The following CDH7 variants were observed in gnomAD, a reference collection of about 807,000 sequenced individuals.
CDH7 encodes the protein cadherin-7.
In CDH7, 25 loss-of-function variants were observed where a neutral mutation model predicts 71.8. The observed-to-expected ratio is 0.35, with a 90% confidence interval of 0.25 to 0.49. CDH7 has a LOEUF of 0.49. Ranked by LOEUF, CDH7 falls within the 20% of genes least tolerant of loss-of-function variation. The pLI, the probability that CDH7 is intolerant of heterozygous loss-of-function variation, is 0.99. For missense variants in CDH7, 862 were observed against 974.6 expected (o/e 0.88, Z 1.54); for synonymous variants, 381 against 363.8 (o/e 1.05, Z -0.54).
At chr18:65,795,657 A>T (rs1019002224) in intron 2 of CDH7, among the ~76,000 whole-genome samples, 13 of 152,204 alleles carry the variant, frequency 8.5e-5, no homozygotes, top group African/African-American at 2.9e-4. Context: ...ATTATAATTA[A>T]GTACCATTCA....
intron 3 of CDH7, among the ~76,000 whole-genome samples, chr18:65,813,388 A>G (rs1455258767): frequency 3.9e-5 from 6 of 152,180 alleles, no homozygotes; most frequent in Non-Finnish European, 7.4e-5. Flanking sequence ...AGTGCTGTAC[A>G]CTTAACTTTC....
intron 7 of CDH7, among the ~76,000 whole-genome samples, chr18:65,849,107 A>T (rs1338229602): frequency 6.6e-6 from 1 of 152,200 alleles, no homozygotes; most frequent in Admixed American, 6.6e-5. Context: ...AATAAAACTG[A>T]TTAACTTAAA....
chr18:65,787,806 A>G (rs975762953), intron 2 of CDH7, among the ~76,000 whole-genome samples: 2 of 152,224 alleles, frequency 1.3e-5, no homozygotes, highest in African/African-American at 4.8e-5. Context: ...GAACATAGCT[A>G]CAATACTACA....
chr18:65,816,192 G>GTT lies in CDH7; in HGVS notation c.625+1597_625+1598dup, dbSNP rs879766582. Among the ~76,000 whole-genome samples, 511 of 147,966 alleles carry GTT rather than the reference G, an allele frequency of 3.5e-3. 3 individuals are homozygous for GTT. The highest frequency in any genetic ancestry group is 0.012 in the African/African-American group (486 of 40,520). On this transcript the variant is annotated intron_variant, in intron 4 of 11. Coordinates refer to ENST00000397968, the MANE Select transcript of CDH7 (RefSeq NM_004361.5). The stretch of plus-strand genomic sequence containing the variant: ...CAAGAGAAGAGGAAAGTTTAGTTTA[G>GTT]TTTTTTTTTTAATGCTGTAATTATG...
intron 6 of CDH7, among the ~76,000 whole-genome samples, chr18:65,828,839 A>G (rs905185159): frequency 2.6e-5 from 4 of 152,172 alleles, no homozygotes; most frequent in African/African-American, 9.7e-5. Flanking sequence ...CTTACCCTGT[A>G]CTTGGTTCCA....
intron 2 of CDH7, among the ~76,000 whole-genome samples, chr18:65,782,135 T>C (rs1268681914): frequency 1.0e-5 from 1 of 95,346 alleles, no homozygotes; most frequent in Non-Finnish European, 1.8e-5. Flanking sequence ...TCTTTCTTTC[T>C]TTCTTTCTTT....
intron 6 of CDH7, among the ~76,000 whole-genome samples, chr18:65,826,718 A>G (rs1044955434): frequency 7.2e-5 from 11 of 151,730 alleles, no homozygotes; most frequent in African/African-American, 2.2e-4. Context: ...TGTTAAATAT[A>G]TAAAAGAGTT....
Position 65,842,713 on chromosome 18 carries a change from C to T in CDH7, c.982-1099C>T, listed in dbSNP as rs973678130. Among the ~76,000 whole-genome samples the T allele has an allele frequency of 3.3e-5, 5 of 152,084 alleles. No individual in the cohort carries two copies. In the South Asian group the frequency reaches 6.2e-4, roughly 19 times the overall value. ...ATGCGTGCCTGCATACATATACACACGTATGCCCAAACATACAGTGAATGA... is the reference window on the plus strand; with the variant it reads ...ATGCGTGCCTGCATACATATACACATGTATGCCCAAACATACAGTGAATGA... On this transcript the variant is annotated intron_variant, in intron 6 of 11. Coordinates refer to ENST00000397968, the MANE Select transcript of CDH7 (RefSeq NM_004361.5).
intron 2 of CDH7, among the ~76,000 whole-genome samples, chr18:65,802,576 T>C (rs922996323): frequency 1.3e-5 from 2 of 152,182 alleles, no homozygotes; most frequent in Non-Finnish European, 2.9e-5. Context: ...TGCTTTTAAG[T>C]GCTTCTGGCC....
At chr18:65,851,449 G>A (rs1165800109) in intron 7 of CDH7, among the ~76,000 whole-genome samples, 1 of 152,120 alleles carries the variant, frequency 6.6e-6, no homozygotes, top group Admixed American at 6.6e-5. Flanking sequence ...TGCACTTTCT[G>A]TTTGTGAACA....
chr18:65,778,194 C>T (rs908810559), intron 2 of CDH7, among the ~76,000 whole-genome samples: 26 of 149,466 alleles, frequency 1.7e-4, no homozygotes, highest in African/African-American at 6.2e-4. Flanking sequence ...ATCCCTTGAA[C>T]CCAGGAGGGA....
chr18:65,843,944 G>C lies in CDH7; in HGVS notation c.1114G>C (p.Asp372His). The C allele has an allele frequency of 6.2e-7, 1 of 1,611,894 alleles. No homozygotes were observed. Among genetic ancestry groups the C allele is most frequent in the Non-Finnish European group, 8.5e-7 (1 of 1,178,756 alleles). Residue 372 changes from aspartate (D) to histidine (H), a missense_variant, in exon 7 of 12, where the codon GAT becomes CAT. By Grantham distance (81) the Asp-to-His change is moderately conservative (BLOSUM62 -1). Transcript: ENST00000397968. ...TTVKIIVEDV[D>H]EPPVFSSPLY... is the part of the protein sequence containing the mutation. The stretch of plus-strand genomic sequence containing the variant: ...TGTGAAGATAATTGTGGAAGATGTA[G>C]ATGAGCCCCCTGTGTTCTCTTCACC...
chr18:65,809,618 T>C, intron 2 of CDH7, 86 bp from the exon 3 acceptor site: 1 of 1,138,648 alleles, frequency 8.8e-7, no homozygotes, highest in Non-Finnish European at 1.3e-6. Context: ...CATGTACTCC[T>C]GCCTGACATA....
intron 3 of CDH7, among the ~76,000 whole-genome samples, chr18:65,811,887 ATAAGTTAAATAAATTATATTATT>A (rs1911550654): frequency 6.6e-6 from 1 of 151,834 alleles, no homozygotes; most frequent in Non-Finnish European, 1.5e-5. Context: ...TGAATAATGT[ATAAGTTAAATAAATTATATTATT>A]TAAGTGTGCA....
chr18:65,796,896 G>A (rs1390039684), intron 2 of CDH7, among the ~76,000 whole-genome samples: 1 of 152,084 alleles, frequency 6.6e-6, no homozygotes, highest in Admixed American at 6.6e-5. Flanking sequence ...AAGGAGTGAA[G>A]AGTCAAACTG....
At chr18:65,850,580 TTTA>T (rs138534553) in intron 7 of CDH7, among the ~76,000 whole-genome samples, 11,768 of 147,674 alleles carry the variant, frequency 0.08, 1,584 homozygotes, top group African/African-American at 0.28. Flanking sequence ...CTGCAGAGGT[TTTA>T]TTATTATTAT....
Position 65,885,765 on chromosome 18 carries a change from A to C in CDH7, c.*4871A>C, listed in dbSNP as rs1568238378. 1 of 152,100 alleles carries C rather than the reference A, an allele frequency of 6.6e-6. No homozygotes were observed. The allele number at this position is 152,100 out of a possible 1,614,324, so 9.4% of individuals were successfully genotyped here. On this transcript the variant is annotated 3_prime_UTR_variant, in exon 12 of 12. Transcript: ENST00000397968. Reference sequence around the variant, plus strand: ...CATAATTCCTGGTTAATGCTGGCGTATTGTTGTCACCTGCCAAGTGACTGT... The same window carrying C: ...CATAATTCCTGGTTAATGCTGGCGTCTTGTTGTCACCTGCCAAGTGACTGT...
intron 2 of CDH7, among the ~76,000 whole-genome samples, chr18:65,773,763 C>G (rs1055128049): frequency 6.6e-6 from 1 of 151,836 alleles, no homozygotes; most frequent in Non-Finnish European, 1.5e-5. Flanking sequence ...CCAATCCAAG[C>G]GTAATATCTG....
At chr18:65,823,102 C>CA (rs1911996582) in intron 5 of CDH7, among the ~76,000 whole-genome samples, 1 of 151,796 alleles carries the variant, frequency 6.6e-6, no homozygotes, top group Admixed American at 6.6e-5. Context: ...TGAATCATAT[C>CA]AAAAAACGAA....
Sources: gnomAD v4.1 joint callset for allele counts (sites outside exome capture counted in the v4.1 genomes callset) on GRCh38, gnomAD v4.1.1 for gene constraint, MANE v1.5 for transcripts, NCBI Gene and HGNC (gene_info 2026-07-23, HGNC 2026-07-21) for gene names.